TMPRSS11B: variants seen among roughly 807,000 people sequenced by gnomAD.
TMPRSS11B encodes transmembrane serine protease 11B.
TMPRSS11B carries 53 observed loss-of-function variants against 44.7 expected under a neutral mutation model. The observed-to-expected ratio is 1.19, with a 90% CI of 0.95 to 1.49. The LOEUF is 1.49. Among genes scored for constraint, TMPRSS11B ranks in the 40% most tolerant of loss-of-function variants. TMPRSS11B has a pLI of 0.00. For synonymous variants in TMPRSS11B, 140 were observed against 159.2 expected, an observed-to-expected ratio of 0.88 and a Z score of 0.91; for missense variants, 526 against 494.8, an observed-to-expected ratio of 1.06 and a Z score of -0.60.
chr4:68,234,015 C>CA (rs1251437839), intron 5 of TMPRSS11B, among the ~76,000 whole-genome samples: 2 of 151,874 alleles, frequency 1.3e-5, no homozygotes, highest in South Asian at 2.1e-4. Flanking sequence ...ACTAAAAATA[C>CA]AAAAAAATTA....
Position 68,231,151 on chromosome 4 carries a change from C to T in TMPRSS11B, c.686+52G>A. 4.0e-6 allele frequency: 6 copies of T among 1,509,228 alleles called. No individual in the cohort carries two copies. The South Asian group carries it at 7.7e-5, about 19-fold the overall frequency. 93.5% of individuals were successfully genotyped at this position (1,509,228 alleles called of 1,614,324 possible). ...ATTAAGTTAACCCCTACAAACTATC[C>T]AAAATAGTTTTGCACCTAGCATCCT... On this transcript the variant is annotated intron_variant, in intron 7 of 9. Transcript: ENST00000332644.
Position 68,229,511 on chromosome 4 carries a change from T to C in TMPRSS11B, c.692A>G (p.Asn231Ser), listed in dbSNP as rs375583752. 2 of 1,611,318 alleles carry C rather than the reference T, an allele frequency of 1.2e-6. No individual in the cohort carries two copies. The change falls in exon 8 of 10, where the codon AAT becomes AGT. Residue 231 changes from asparagine to serine, a missense_variant. Physicochemically the swap from Asn to Ser is conservative, Grantham distance 46 (BLOSUM62 1). Coordinates refer to ENST00000332644, the MANE Select transcript of TMPRSS11B (RefSeq NM_182502.3). ...GTTGACAGTCCAATCTTTTGAATTA[T>C]TTTTCCTAGAGGACACAATGTAATT... is the stretch of plus-strand genomic sequence containing the variant. ...LSAAHCFAKK[N>S]NSKDWTVNFG...
At chr4:68,242,209 T>C (rs868662105) in intron 1 of TMPRSS11B, among the ~76,000 whole-genome samples, 13 of 31,252 alleles carry the variant, frequency 4.2e-4, no homozygotes, top group African/African-American at 1.3e-3. Flanking sequence ...TATAATATAA[T>C]ATATATAATA....
At chr4:68,229,183 A>T (rs940335326) in intron 8 of TMPRSS11B, 74 bp downstream of exon 8, 25 of 1,171,552 alleles carry the variant, frequency 2.1e-5, no homozygotes, top group Non-Finnish European at 2.7e-5. Context: ...TGAGGGGATG[A>T]TTGATTGATT....
chr4:68,227,929 T>C lies in TMPRSS11B; in HGVS notation c.1233A>G (p.Thr411=), dbSNP rs1719399245. 2 of 1,612,040 alleles carry C rather than the reference T, an allele frequency of 1.2e-6. No homozygotes were observed. Among genetic ancestry groups the C allele is most frequent in the Admixed American group, 1.7e-5 (1 of 59,548 alleles). Residue 411 remains threonine, a synonymous_variant, in exon 10 of 10, where the codon ACA becomes ACG. Coordinates refer to ENST00000332644, the MANE Select transcript of TMPRSS11B (RefSeq NM_182502.3). ...TRVTSYRNWI[T]SKTGL is the part of the protein sequence containing the mutation. The stretch of plus-strand genomic sequence containing the variant: ...TTTTTTTTCAGAGTCCAGTCTTGGA[T>C]GTAATCCAATTGCGATAAGAAGTCA...
intron 1 of TMPRSS11B, among the ~76,000 whole-genome samples, chr4:68,243,697 A>T (rs1338250376): frequency 6.6e-6 from 1 of 152,166 alleles, no homozygotes; most frequent in East Asian, 1.9e-4. Flanking sequence ...TGTGACAGTA[A>T]GGTCTCAAAT....
chr4:68,236,890 T>C (rs1180155372), intron 2 of TMPRSS11B, among the ~76,000 whole-genome samples: 1 of 151,122 alleles, frequency 6.6e-6, no homozygotes, highest in Admixed American at 6.6e-5. Context: ...TTCCTTGATG[T>C]TATTCCTGGA....
chr4:68,228,308 T>A (rs1404862690), intron 9 of TMPRSS11B, among the ~76,000 whole-genome samples: 1 of 152,074 alleles, frequency 6.6e-6, no homozygotes, highest in Non-Finnish European at 1.5e-5. Flanking sequence ...ATATAATGAG[T>A]GCAGCTTGAA....
Position 68,228,863 on chromosome 4 carries a change from T to G in TMPRSS11B, c.968A>C (p.Gln323Pro). ...YMNGSFPVIL[Q>P]EDFLKIIDNK... The stretch of plus-strand genomic sequence containing the variant: ...GTCAATAATCTTCAAAAAGTCTTCT[T>G]GAAGTATCACTGGAAATGAACCTAA... The change falls in exon 9 of 10, where the codon CAA (glutamine) becomes CCA (proline). Residue 323 changes from glutamine to proline, a missense_variant. Physicochemically the swap from Gln to Pro is moderately conservative, Grantham distance 76 (BLOSUM62 -1). Transcript: ENST00000332644. The G allele has an allele frequency of 6.2e-7, 1 of 1,613,138 alleles. No homozygotes were observed. The highest frequency in any genetic ancestry group is 8.5e-7 in the Non-Finnish European group (1 of 1,179,726).
At chr4:68,243,774 A>G (rs1719930042) in intron 1 of TMPRSS11B, among the ~76,000 whole-genome samples, 1 of 152,186 alleles carries the variant, frequency 6.6e-6, no homozygotes. Context: ...ATATTAGTCT[A>G]AGAGACTAAA....
At chr4:68,243,086 C>T (rs1719903653) in intron 1 of TMPRSS11B, among the ~76,000 whole-genome samples, 1 of 152,136 alleles carries the variant, frequency 6.6e-6, no homozygotes, top group Non-Finnish European at 1.5e-5. Context: ...AGTTATTTTT[C>T]ATATCTTGAG....
intron 4 of TMPRSS11B, 74 bp from the exon 5 acceptor site, chr4:68,234,697 C>A: frequency 6.9e-7 from 1 of 1,456,700 alleles, no homozygotes; most frequent in Non-Finnish European, 9.4e-7. Flanking sequence ...TTAAATTTCA[C>A]ACATTTTAAT....
At chr4:68,239,979 C>T (rs558221954) in intron 2 of TMPRSS11B, among the ~76,000 whole-genome samples, 20 of 152,170 alleles carry the variant, frequency 1.3e-4, no homozygotes, top group African/African-American at 1.2e-4. Flanking sequence ...TTAAGTAAAA[C>T]GGTTGAGAAA....
chr4:68,232,513 A>G (rs1719545292), intron 5 of TMPRSS11B, 97 bp from the exon 6 acceptor site: 5 of 1,113,714 alleles, frequency 4.5e-6, no homozygotes, highest in Non-Finnish European at 6.7e-6. Flanking sequence ...TCCTAACCCA[A>G]TATTGTCCAA....
At position 68,236,266 on chromosome 4, in the gene TMPRSS11B, T is replaced by C. The variant is rs967435300; in HGVS notation, c.125A>G (p.Glu42Gly). Residue 42 changes from glutamate to glycine, a missense_variant and splice_region_variant, in exon 3 of 10, where the codon GAG (glutamate) becomes GGG (glycine). By Grantham distance (98) the Glu-to-Gly change is moderately conservative (BLOSUM62 -2). Transcript: ENST00000332644. ...IGLLVHFLAV[E>G]KTYYYQGDFH... ...ATCACCTTGATAATAGTAAGTCTTC[T>C]CTGCAAAATTAAGAAAAAAAAACCT... The C allele has an allele frequency of 6.4e-7, 1 of 1,564,678 alleles. No individual in the cohort carries two copies. Among genetic ancestry groups the C allele is most frequent in the Non-Finnish European group, 8.7e-7 (1 of 1,151,444 alleles).
chr4:68,241,831 A>T, intron 1 of TMPRSS11B, 27 bp from the exon 2 acceptor site: 1 of 1,377,456 alleles, frequency 7.3e-7, no homozygotes, highest in South Asian at 1.2e-5. Context: ...TTTTGGTTCA[A>T]ATCAGATAAT....
chr4:68,234,337 C>T (rs10471152), intron 5 of TMPRSS11B, 126 bp downstream of exon 5: 2 of 894,844 alleles, frequency 2.2e-6, no homozygotes, highest in South Asian at 1.8e-5. Context: ...GCTAGGGGTG[C>T]CAGAGTTAGG....
intron 2 of TMPRSS11B, among the ~76,000 whole-genome samples, chr4:68,236,472 A>C (rs1253400109): frequency 6.6e-6 from 1 of 152,192 alleles, no homozygotes; most frequent in African/African-American, 2.4e-5. Context: ...CCTCTGCCTC[A>C]ACATTCAACC....
intron 1 of TMPRSS11B, among the ~76,000 whole-genome samples, chr4:68,243,709 TG>T (rs1719928722): frequency 6.6e-6 from 1 of 152,188 alleles, no homozygotes; most frequent in African/African-American, 2.4e-5. Flanking sequence ...GTCTCAAATT[TG>T]TTTGGAATTA....
Sources: gnomAD v4.1 joint callset for allele counts (sites outside exome capture counted in the v4.1 genomes callset) on GRCh38, gnomAD v4.1.1 for gene constraint, MANE v1.5 for transcripts, NCBI Gene and HGNC (gene_info 2026-07-23, HGNC 2026-07-21) for gene names.